PTPRD: variants seen among roughly 807,000 people sequenced by gnomAD.
The protein encoded by PTPRD is receptor-type tyrosine-protein phosphatase delta.
Under a neutral mutation model 214.5 loss-of-function variants are expected in PTPRD, and 34 were observed. The observed-to-expected ratio is 0.16, with a 90% CI of 0.12 to 0.21. The LOEUF is 0.21. Ranked by LOEUF, PTPRD falls within the 10% of genes least tolerant of loss-of-function variation. The probability of loss-of-function intolerance (pLI) is 1.00; values close to 1 mark genes in which losing one functional copy is unlikely to be tolerated. For synonymous variants in PTPRD, 1,128 were observed against 845.7 expected (o/e 1.33, Z -5.79); for missense variants, 2,545 against 2,398.7 (o/e 1.06, Z -1.27).
At chr9:10,253,385 G>A (rs1357512029) in intron 3 of PTPRD, among the ~76,000 whole-genome samples, 1 of 152,122 alleles carries the variant, frequency 6.6e-6, no homozygotes, top group Non-Finnish European at 1.5e-5. Flanking sequence ...AGAAAGTTCT[G>A]ACTCTTTTAA....
At chr9:9,444,262 T>C (rs58216422) in intron 8 of PTPRD, among the ~76,000 whole-genome samples, 2,568 of 152,292 alleles carry the variant, frequency 0.017, 44 homozygotes, top group African/African-American at 0.049. Context: ...TTCTAGTTTT[T>C]TATTTTAAAG....
At chr9:9,763,260 T>A (rs947918699) in intron 6 of PTPRD, among the ~76,000 whole-genome samples, 4 of 152,192 alleles carry the variant, frequency 2.6e-5, no homozygotes, top group African/African-American at 2.4e-5. Flanking sequence ...GACATAGAGA[T>A]AATCACTGTT....
At chr9:10,553,436 A>G (rs2131211813) in intron 2 of PTPRD, among the ~76,000 whole-genome samples, 1 of 152,136 alleles carries the variant, frequency 6.6e-6, no homozygotes, top group South Asian at 2.1e-4. Context: ...TAAAATTCTC[A>G]TCCCTGAGTT....
intron 4 of PTPRD, among the ~76,000 whole-genome samples, chr9:10,024,421 G>C (rs1439557705): frequency 6.6e-6 from 1 of 151,996 alleles, no homozygotes; most frequent in East Asian, 1.9e-4. Flanking sequence ...TAAGTCTTTT[G>C]TGACAGACTC....
intron 14 of PTPRD, among the ~76,000 whole-genome samples, chr9:8,561,282 G>T (rs2086202799): frequency 6.6e-6 from 1 of 151,886 alleles, no homozygotes; most frequent in Non-Finnish European, 1.5e-5. Context: ...TCCATAAAAA[G>T]CCCCAGACCC....
chr9:10,188,915 T>C (rs2099350033), intron 3 of PTPRD, among the ~76,000 whole-genome samples: 1 of 152,206 alleles, frequency 6.6e-6, no homozygotes, highest in South Asian at 2.1e-4. Flanking sequence ...GTTGGGAATT[T>C]AACTGGCTTT....
At chr9:10,150,658 T>C (rs1478892670) in intron 3 of PTPRD, among the ~76,000 whole-genome samples, 5 of 111,434 alleles carry the variant, frequency 4.5e-5, no homozygotes, top group Non-Finnish European at 2.0e-5. Context: ...TAAAGTAAAA[T>C]AAAAAAAAAA....
intron 5 of PTPRD, among the ~76,000 whole-genome samples, chr9:9,898,360 C>T (rs1277667696): frequency 2.6e-5 from 4 of 152,038 alleles, no homozygotes; most frequent in African/African-American, 9.7e-5. Flanking sequence ...TGTTTACATA[C>T]ATGGTAATGA....
intron 36 of PTPRD, among the ~76,000 whole-genome samples, chr9:8,400,515 A>G (rs75067866): frequency 3.9e-5 from 6 of 152,314 alleles, no homozygotes; most frequent in Admixed American, 1.3e-4. Context: ...CTAAAACCTA[A>G]TATTTATGTT....
At chr9:8,801,937 G>A (rs967002151) in intron 11 of PTPRD, among the ~76,000 whole-genome samples, 28 of 152,104 alleles carry the variant, frequency 1.8e-4, no homozygotes, top group African/African-American at 6.0e-4. Context: ...AGATGGGAGA[G>A]GAGGGAAATG....
intron 14 of PTPRD, among the ~76,000 whole-genome samples, chr9:8,595,173 T>G (rs1027396290): frequency 1.1e-5 from 1 of 93,482 alleles, no homozygotes; most frequent in Admixed American, 1.1e-4. Flanking sequence ...CCTAAACCTG[T>G]TTTTTTTTTT....
intron 2 of PTPRD, among the ~76,000 whole-genome samples, chr9:10,426,355 C>T (rs539091898): frequency 2.0e-5 from 3 of 151,844 alleles, no homozygotes; most frequent in East Asian, 3.9e-4. Context: ...CTTTTTCTAT[C>T]GGTTACTTTG....
intron 3 of PTPRD, among the ~76,000 whole-genome samples, chr9:10,216,129 T>A (rs2099539995): frequency 6.6e-6 from 1 of 152,054 alleles, no homozygotes; most frequent in Non-Finnish European, 1.5e-5. Flanking sequence ...AATGTTGATA[T>A]CTTTTTCATT....
At chr9:10,481,745 T>C (rs1413025648) in intron 2 of PTPRD, among the ~76,000 whole-genome samples, 3 of 152,160 alleles carry the variant, frequency 2.0e-5, no homozygotes, top group African/African-American at 7.2e-5. Flanking sequence ...TATATTAAAA[T>C]TGGCTAAAAA....
chr9:9,859,850 T>C (rs2062338166), intron 5 of PTPRD, among the ~76,000 whole-genome samples: 2 of 152,336 alleles, frequency 1.3e-5, no homozygotes, highest in African/African-American at 4.8e-5. Flanking sequence ...TTTCTTCTTG[T>C]GCCATGTACC....
At chr9:9,367,040 A>G (rs2058077382) in intron 9 of PTPRD, among the ~76,000 whole-genome samples, 1 of 148,274 alleles carries the variant, frequency 6.7e-6, no homozygotes, top group African/African-American at 2.5e-5. Flanking sequence ...AAAATGATAA[A>G]TTTTAAGAAA....
chr9:8,369,187 A>C (rs2080806125), intron 39 of PTPRD, among the ~76,000 whole-genome samples: 1 of 152,142 alleles, frequency 6.6e-6, no homozygotes, highest in Non-Finnish European at 1.5e-5. Flanking sequence ...TTTAGAATGA[A>C]TGGTTAAAAA....
intron 3 of PTPRD, among the ~76,000 whole-genome samples, chr9:10,305,242 A>T (rs543980892): frequency 6.6e-6 from 1 of 152,272 alleles, no homozygotes; most frequent in East Asian, 1.9e-4. Context: ...CTTACACCTT[A>T]TAGCAAAATT....
intron 7 of PTPRD, among the ~76,000 whole-genome samples, chr9:9,649,482 T>C (rs2096278771): frequency 6.6e-6 from 1 of 152,164 alleles, no homozygotes; most frequent in South Asian, 2.1e-4. Context: ...TGCATGATCT[T>C]AAAATGAGAA....
Sources: gnomAD v4.1 joint callset for allele counts (sites outside exome capture counted in the v4.1 genomes callset) on GRCh38, gnomAD v4.1.1 for gene constraint, MANE v1.5 for transcripts, NCBI Gene and HGNC (gene_info 2026-07-23, HGNC 2026-07-21) for gene names.